Variants in KCNQ5 observed in about 807,000 individuals in gnomAD.
The protein encoded by KCNQ5 is potassium voltage-gated channel subfamily KQT member 5.
In KCNQ5, 30 loss-of-function variants were observed where a neutral mutation model predicts 98.2. That is an observed-to-expected ratio of 0.31 (90% CI 0.23 to 0.41). KCNQ5 has a LOEUF of 0.41. KCNQ5 is among the 10% of genes least tolerant of loss of function. KCNQ5 has a pLI of 1.00. For synonymous variants in KCNQ5, 458 were observed against 449.4 expected, an observed-to-expected ratio of 1.02 and a Z score of -0.24; for missense variants, 835 against 1,182.5, an observed-to-expected ratio of 0.71 and a Z score of 4.31.
chr6:73,104,036 AT>A (rs1253474147), intron 5 of KCNQ5, among the ~76,000 whole-genome samples: 1 of 152,094 alleles, frequency 6.6e-6, no homozygotes, highest in Non-Finnish European at 1.5e-5. Flanking sequence ...TATTAGTTTG[AT>A]TTAAAAAAAA....
chr6:73,015,007 A>G (rs984390766), intron 2 of KCNQ5, among the ~76,000 whole-genome samples: 11 of 152,130 alleles, frequency 7.2e-5, no homozygotes, highest in Non-Finnish European at 1.5e-4. Flanking sequence ...ATGAGATGAC[A>G]GTAGTCTTTA....
At chr6:72,669,910 C>CTTTTTTTTTTTTTTT (rs541665177) in intron 1 of KCNQ5, among the ~76,000 whole-genome samples, 1 of 134,998 alleles carries the variant, frequency 7.4e-6, no homozygotes. Context: ...ACTTTCTTTC[C>CTTTTTTTTTTTTTTT]TTTTTTTTTT....
At chr6:73,134,872 A>G (rs944079433) in intron 10 of KCNQ5, 3 of 152,294 alleles carry the variant, frequency 2.0e-5, no homozygotes, top group Non-Finnish European at 4.4e-5. Context: ...GATCTGAGTC[A>G]CTTGTGGCAC....
chr6:73,089,413 C>T (rs751388333), intron 5 of KCNQ5, among the ~76,000 whole-genome samples: 14 of 151,902 alleles, frequency 9.2e-5, no homozygotes, highest in Non-Finnish European at 1.9e-4. Flanking sequence ...TGTCCCCCAG[C>T]GATTATTTTT....
chr6:72,964,232 C>A (rs548024526), intron 1 of KCNQ5, among the ~76,000 whole-genome samples: 1 of 152,242 alleles, frequency 6.6e-6, no homozygotes, highest in East Asian at 1.9e-4. Flanking sequence ...TGTAAGTTAT[C>A]AAACATTAAA....
At chr6:72,882,817 G>A (rs1056580085) in intron 1 of KCNQ5, among the ~76,000 whole-genome samples, 2 of 152,108 alleles carry the variant, frequency 1.3e-5, no homozygotes, top group African/African-American at 4.8e-5. Context: ...TGCTGGGTTG[G>A]TGCTGATTAT....
intron 1 of KCNQ5, among the ~76,000 whole-genome samples, chr6:72,972,827 T>C (rs1365740000): frequency 6.6e-6 from 1 of 152,218 alleles, no homozygotes; most frequent in East Asian, 1.9e-4. Context: ...AAGAATACAA[T>C]GTGTTTGTAT....
intron 1 of KCNQ5, among the ~76,000 whole-genome samples, chr6:72,697,877 A>G (rs959446490): frequency 8.5e-5 from 13 of 152,296 alleles, no homozygotes; most frequent in Admixed American, 7.2e-4. Context: ...CCTTAAACAT[A>G]TACAATTTTT....
chr6:72,670,786 C>T (rs1472146180), intron 1 of KCNQ5, among the ~76,000 whole-genome samples: 5 of 152,100 alleles, frequency 3.3e-5, no homozygotes, highest in Non-Finnish European at 5.9e-5. Flanking sequence ...CTTATAGGAT[C>T]AGAGCCCAAC....
At chr6:73,014,085 G>T (rs1562127304) in intron 2 of KCNQ5, among the ~76,000 whole-genome samples, 1 of 152,014 alleles carries the variant, frequency 6.6e-6, no homozygotes, top group African/African-American at 2.4e-5. Flanking sequence ...CTATTTCCAG[G>T]TTAGACTATT....
intron 1 of KCNQ5, among the ~76,000 whole-genome samples, chr6:72,818,863 A>C (rs933319437): frequency 6.6e-6 from 1 of 151,628 alleles, no homozygotes; most frequent in African/African-American, 2.4e-5. Context: ...ACAAAGAATT[A>C]GTGTTTTTAA....
chr6:72,906,702 G>T (rs1229760326), intron 1 of KCNQ5, among the ~76,000 whole-genome samples: 1 of 152,220 alleles, frequency 6.6e-6, no homozygotes, highest in Non-Finnish European at 1.5e-5. Context: ...AGGGGCGGAG[G>T]ATCTCCCTTT....
chr6:72,932,617 TC>T (rs1765736226), intron 1 of KCNQ5, among the ~76,000 whole-genome samples: 1 of 152,182 alleles, frequency 6.6e-6, no homozygotes, highest in Non-Finnish European at 1.5e-5. Flanking sequence ...TTAATCAATT[TC>T]CCATACTTGT....
At chr6:73,124,966 T>TACAC (rs1775903693) in intron 9 of KCNQ5, among the ~76,000 whole-genome samples, 1 of 20,146 alleles carries the variant, frequency 5.0e-5, no homozygotes, top group African/African-American at 8.7e-5. Flanking sequence ...TATATATATA[T>TACAC]ATATATATAT....
At chr6:73,079,689 G>A (rs1194367512) in intron 5 of KCNQ5, among the ~76,000 whole-genome samples, 1 of 152,144 alleles carries the variant, frequency 6.6e-6, no homozygotes, top group African/African-American at 2.4e-5. Context: ...GTGGTTTCCG[G>A]CTGCTCTTCA....
chr6:72,934,695 G>A (rs865958747), intron 1 of KCNQ5, among the ~76,000 whole-genome samples: 17 of 152,170 alleles, frequency 1.1e-4, no homozygotes, highest in Non-Finnish European at 1.8e-4. Flanking sequence ...CTATGCTGAA[G>A]GAATCCTAGT....
At chr6:72,785,269 G>A (rs1773677524) in intron 1 of KCNQ5, among the ~76,000 whole-genome samples, 1 of 152,124 alleles carries the variant, frequency 6.6e-6, no homozygotes, top group East Asian at 1.9e-4. Flanking sequence ...TTGGTCTGGG[G>A]CAAAGCTTCT....
chr6:72,966,722 G>T (rs1188487094), intron 1 of KCNQ5, among the ~76,000 whole-genome samples: 1 of 152,210 alleles, frequency 6.6e-6, no homozygotes, highest in Non-Finnish European at 1.5e-5. Context: ...ATCCATGACT[G>T]GATCATGAGC....
chr6:72,915,973 C>G (rs930678268), intron 1 of KCNQ5, among the ~76,000 whole-genome samples: 11 of 152,302 alleles, frequency 7.2e-5, no homozygotes, highest in African/African-American at 2.6e-4. Context: ...GCAAGCAGAG[C>G]CTCACACATG....
Sources: allele counts gnomAD v4.1 joint callset (sites outside exome capture counted in the v4.1 genomes callset), GRCh38; gene constraint gnomAD v4.1.1; transcripts MANE v1.5; gene names NCBI Gene and HGNC (gene_info 2026-07-23, HGNC 2026-07-21).